Variants in PPFIA2 observed in about 807,000 individuals in gnomAD.
The protein encoded by PPFIA2 is liprin-alpha-2.
PPFIA2 carries 46 observed loss-of-function variants against 175.5 expected under a neutral mutation model. The ratio of observed to expected loss-of-function variants is 0.26; its 90% CI spans 0.21 to 0.34. The LOEUF is 0.34. Ranked by LOEUF, PPFIA2 falls within the 10% of genes least tolerant of loss-of-function variation. The probability of loss-of-function intolerance (pLI) is 1.00; values close to 1 mark genes in which losing one functional copy is unlikely to be tolerated. For missense variants in PPFIA2, 1,179 were observed against 1,506.1 expected (o/e 0.78, Z 3.60); for synonymous variants, 568 against 511.4 (o/e 1.11, Z -1.49).
At chr12:81,492,123 C>T (rs1306803469) in intron 4 of PPFIA2, among the ~76,000 whole-genome samples, 1 of 151,736 alleles carries the variant, frequency 6.6e-6, no homozygotes, top group Non-Finnish European at 1.5e-5. Context: ...ATAGCTTCAC[C>T]ATTTTTTTTT....
intron 3 of PPFIA2, among the ~76,000 whole-genome samples, chr12:81,684,343 A>G (rs934300022): frequency 6.6e-6 from 1 of 152,088 alleles, no homozygotes; most frequent in Non-Finnish European, 1.5e-5. Flanking sequence ...GGGACTAGCA[A>G]CAGCTAGACA....
intron 7 of PPFIA2, among the ~76,000 whole-genome samples, chr12:81,426,019 T>C (rs1368647982): frequency 6.6e-6 from 1 of 152,128 alleles, no homozygotes; most frequent in Non-Finnish European, 1.5e-5. Flanking sequence ...CCAATAAAAG[T>C]GTTATTTTAA....
intron 4 of PPFIA2, among the ~76,000 whole-genome samples, chr12:81,646,559 CAA>C (rs2066108196): frequency 6.6e-6 from 1 of 152,260 alleles, no homozygotes; most frequent in Admixed American, 6.5e-5. Flanking sequence ...CACAGTCATG[CAA>C]AGTCTTCTGA....
chr12:81,489,421 G>T (rs753918550), intron 4 of PPFIA2, among the ~76,000 whole-genome samples: 3 of 151,584 alleles, frequency 2.0e-5, no homozygotes, highest in Admixed American at 6.6e-5. Flanking sequence ...TTGAATGTTT[G>T]CATTTGCACA....
At chr12:81,706,326 G>C (rs1339802052) in intron 3 of PPFIA2, among the ~76,000 whole-genome samples, 1 of 152,142 alleles carries the variant, frequency 6.6e-6, no homozygotes, top group East Asian at 1.9e-4. Context: ...GTTCCATCTA[G>C]GGAGGCTATA....
intron 3 of PPFIA2, among the ~76,000 whole-genome samples, chr12:81,714,457 C>T (rs1596703837): frequency 6.6e-6 from 1 of 151,014 alleles, no homozygotes; most frequent in East Asian, 2.0e-4. Context: ...CTTGATATTC[C>T]TATTTAATGT....
intron 6 of PPFIA2, among the ~76,000 whole-genome samples, chr12:81,443,384 C>T (rs1043752304): frequency 2.6e-5 from 4 of 152,120 alleles, no homozygotes; most frequent in African/African-American, 9.7e-5. Flanking sequence ...TGTCCCTGAA[C>T]TCACCAATGT....
At chr12:81,416,346 TAG>T (rs2045258202) in intron 7 of PPFIA2, among the ~76,000 whole-genome samples, 1 of 151,472 alleles carries the variant, frequency 6.6e-6, no homozygotes, top group Admixed American at 6.6e-5. Context: ...TAAGGAAGGG[TAG>T]AGAGTATTCA....
At chr12:81,292,573 T>A (rs1472494783) in intron 24 of PPFIA2, 2 of 152,154 alleles carry the variant, frequency 1.3e-5, no homozygotes, top group African/African-American at 4.8e-5. Flanking sequence ...TATTTTCTTT[T>A]CTCTAGCTTA....
rs745331972 is a variant in PPFIA2 at position 81,384,154 on chromosome 12, C to T, written c.853G>A (p.Ala285Thr). 27 of 1,612,298 alleles carry T rather than the reference C, an allele frequency of 1.7e-5. No homozygotes were observed. The highest frequency in any genetic ancestry group is 4.5e-5 in the East Asian group (2 of 44,716). The change falls in exon 9 of 33, where the codon GCC becomes ACC. Residue 285 changes from alanine to threonine, a missense_variant. Transcript: ENST00000549396. ...GCTGCTAAACGTTCTTTCATCTGGGCCATTTCATAGTTTTGCTTTTCAAGC... is the reference window on the plus strand; with the variant it reads ...GCTGCTAAACGTTCTTTCATCTGGGTCATTTCATAGTTTTGCTTTTCAAGC... ...ELLEKQNYEM[A>T]QMKERLAALS...
chr12:81,404,955 T>G (rs2042677940), intron 8 of PPFIA2, among the ~76,000 whole-genome samples: 1 of 152,210 alleles, frequency 6.6e-6, no homozygotes, highest in Non-Finnish European at 1.5e-5. Flanking sequence ...ATTTAGGAGC[T>G]TAAGAATCCA....
intron 4 of PPFIA2, among the ~76,000 whole-genome samples, chr12:81,650,436 A>C (rs1330842537): frequency 6.6e-6 from 1 of 152,224 alleles, no homozygotes; most frequent in African/African-American, 2.4e-5. Flanking sequence ...ATTTTCAAAA[A>C]TAATTTGAGT....
chr12:81,666,438 A>T (rs1248202702), intron 4 of PPFIA2, among the ~76,000 whole-genome samples: 1 of 152,242 alleles, frequency 6.6e-6, no homozygotes, highest in Non-Finnish European at 1.5e-5. Flanking sequence ...GCCATAAAAA[A>T]TGATGAGTTC....
At chr12:81,617,369 C>T (rs1471133004) in intron 4 of PPFIA2, among the ~76,000 whole-genome samples, 5 of 152,254 alleles carry the variant, frequency 3.3e-5, no homozygotes, top group Non-Finnish European at 7.4e-5. Flanking sequence ...TTTATTTTCC[C>T]ACCACTAGTC....
At chr12:81,651,311 A>T (rs1301951465) in intron 4 of PPFIA2, among the ~76,000 whole-genome samples, 3 of 152,170 alleles carry the variant, frequency 2.0e-5, no homozygotes, top group Non-Finnish European at 4.4e-5. Flanking sequence ...ACATGGGTAA[A>T]AACCAAGAGA....
intron 26 of PPFIA2, among the ~76,000 whole-genome samples, chr12:81,282,180 T>C (rs1195556143): frequency 6.6e-6 from 1 of 152,016 alleles, no homozygotes; most frequent in African/African-American, 2.4e-5. Context: ...ACTAAACCAA[T>C]ATTTTAAAAG....
At chr12:81,505,508 G>T (rs187083971) in intron 4 of PPFIA2, among the ~76,000 whole-genome samples, 43 of 152,160 alleles carry the variant, frequency 2.8e-4, no homozygotes, top group Non-Finnish European at 5.7e-4. Context: ...TTGAGCTCTT[G>T]CTTCCTCTGC....
chr12:81,419,625 A>G (rs1057338214), intron 7 of PPFIA2, among the ~76,000 whole-genome samples: 14 of 152,042 alleles, frequency 9.2e-5, no homozygotes, highest in Non-Finnish European at 2.1e-4. Context: ...TCAGTGTATT[A>G]TTTCAATACA....
intron 3 of PPFIA2, among the ~76,000 whole-genome samples, chr12:81,721,500 GT>G: frequency 6.7e-6 from 1 of 150,332 alleles, no homozygotes; most frequent in South Asian, 2.1e-4. Context: ...CATACATCTA[GT>G]GGCAATTTTA....
Sources: gnomAD v4.1 joint callset for allele counts (sites outside exome capture counted in the v4.1 genomes callset) on GRCh38, gnomAD v4.1.1 for gene constraint, MANE v1.5 for transcripts, NCBI Gene and HGNC (gene_info 2026-07-23, HGNC 2026-07-21) for gene names.